Variants in NCOA1 observed in about 807,000 individuals in gnomAD.
NCOA1 encodes Hin-2 protein.
A neutral mutation model predicts 150.9 loss-of-function variants in NCOA1; 35 were observed. The observed-to-expected ratio is 0.23, with a 90% CI of 0.18 to 0.31. The LOEUF is 0.31. NCOA1 is among the 10% of genes least tolerant of loss of function. The pLI, the probability that NCOA1 is intolerant of heterozygous loss-of-function variation, is 1.00. For synonymous variants in NCOA1, 590 were observed against 630.0 expected (o/e 0.94, Z 0.95); for missense variants, 1,491 against 1,749.3 (o/e 0.85, Z 2.63).
chr2:24,731,127 C>T (rs1018958400), intron 17 of NCOA1, among the ~76,000 whole-genome samples: 1 of 151,554 alleles, frequency 6.6e-6, no homozygotes, highest in Non-Finnish European at 1.5e-5. Flanking sequence ...TTTCTAAAAC[C>T]ATATTTGTAT....
chr2:24,609,088 T>G lies in NCOA1; in HGVS notation c.-175+24528T>G, dbSNP rs117726237. ...TTATTTTTTCTTTTCCTTACTTAAT[T>G]GTTGTTTGAAAGCAAGTTACTAAAT... On this transcript the variant is annotated intron_variant, in intron 3 of 22. Transcript: ENST00000348332. Among the ~76,000 whole-genome samples, 24 of 152,316 alleles carry G rather than the reference T, an allele frequency of 1.6e-4. No individual in the cohort carries two copies. In the East Asian group the frequency reaches 4.4e-3, roughly 28 times the overall value.
At chr2:24,544,636 A>C (rs1665534859) in intron 1 of NCOA1, among the ~76,000 whole-genome samples, 1 of 152,110 alleles carries the variant, frequency 6.6e-6, no homozygotes, top group Non-Finnish European at 1.5e-5. Flanking sequence ...CAGCTAGGGC[A>C]GCTGGGGTGG....
chr2:24,758,856 C>T (rs2148692698), intron 21 of NCOA1, among the ~76,000 whole-genome samples: 1 of 151,714 alleles, frequency 6.6e-6, no homozygotes, highest in Non-Finnish European at 1.5e-5. Flanking sequence ...TGCGTGGTGG[C>T]ATGCACCTGT....
chr2:24,594,205 G>A (rs1667789328), intron 3 of NCOA1, among the ~76,000 whole-genome samples: 2 of 151,976 alleles, frequency 1.3e-5, no homozygotes, highest in Admixed American at 6.6e-5. Context: ...TTATTTAAAT[G>A]TTTTCCTTTT....
At chr2:24,564,162 G>A (rs1666400167) in intron 1 of NCOA1, 133 bp from the exon 2 acceptor site, 1 of 152,188 alleles carries the variant, frequency 6.6e-6, no homozygotes, top group Non-Finnish European at 1.5e-5. Flanking sequence ...ACAAGAATGA[G>A]AATTGACATT....
chr2:24,762,632 G>C (rs1279127714), intron 21 of NCOA1, 55 bp from the exon 22 acceptor site: 1 of 1,448,978 alleles, frequency 6.9e-7, no homozygotes. Flanking sequence ...TGGAGAATTT[G>C]GTTTTCAGTT....
At chr2:24,557,748 T>C (rs1666130932) in intron 1 of NCOA1, among the ~76,000 whole-genome samples, 2 of 152,006 alleles carry the variant, frequency 1.3e-5, no homozygotes, top group Non-Finnish European at 2.9e-5. Flanking sequence ...TATGTTCAGC[T>C]TTTTTTTCTT....
At chr2:24,502,759 C>G (rs1456714061) in intron 1 of NCOA1, among the ~76,000 whole-genome samples, 1 of 152,180 alleles carries the variant, frequency 6.6e-6, no homozygotes, top group Non-Finnish European at 1.5e-5. Flanking sequence ...GGAATGTTCT[C>G]CCTTAATCTA....
chr2:24,528,408 T>A (rs1664739138), intron 1 of NCOA1, among the ~76,000 whole-genome samples: 1 of 151,396 alleles, frequency 6.6e-6, no homozygotes. Context: ...ATGCAGTGGT[T>A]TGATCTTGGC....
chr2:24,566,687 T>A (rs532476522), intron 2 of NCOA1, among the ~76,000 whole-genome samples: 54 of 152,282 alleles, frequency 3.5e-4, no homozygotes, highest in African/African-American at 1.3e-3. Flanking sequence ...CTCCTACCAT[T>A]GTTCATGGTG....
intron 1 of NCOA1, among the ~76,000 whole-genome samples, chr2:24,539,510 G>T (rs1209281518): frequency 6.6e-6 from 1 of 152,116 alleles, no homozygotes; most frequent in Non-Finnish European, 1.5e-5. Flanking sequence ...CATATACTAA[G>T]GCATTTAGAG....
intron 3 of NCOA1, among the ~76,000 whole-genome samples, chr2:24,593,935 A>G (rs2165739): frequency 0.42 from 63,271 of 151,948 alleles, 15,831 homozygotes; most frequent in Admixed American, 0.6. Context: ...TTATCTTTGC[A>G]ATTTTTAGGA....
chr2:24,719,105 C>G (rs1479587503), intron 14 of NCOA1, among the ~76,000 whole-genome samples: 1 of 144,786 alleles, frequency 6.9e-6, no homozygotes, highest in African/African-American at 2.5e-5. Flanking sequence ...GTGGTGTATT[C>G]ATAAAATGAA....
chr2:24,656,046 C>A (rs1284605008), intron 4 of NCOA1, among the ~76,000 whole-genome samples: 1 of 149,930 alleles, frequency 6.7e-6, no homozygotes, highest in Non-Finnish European at 1.5e-5. Flanking sequence ...TGAGATCCCG[C>A]CACTGCACTC....
At chr2:24,594,374 T>C (rs976856357) in intron 3 of NCOA1, among the ~76,000 whole-genome samples, 1 of 152,100 alleles carries the variant, frequency 6.6e-6, no homozygotes, top group Non-Finnish European at 1.5e-5. Context: ...ATGTTCCTGA[T>C]GGGGGTATTG....
At chr2:24,492,034 C>T (rs1402309407) in intron 1 of NCOA1, 1 of 152,030 alleles carries the variant, frequency 6.6e-6, no homozygotes, top group Non-Finnish European at 1.5e-5. Context: ...ACGCCGTGAC[C>T]TTGGCCGGCC....
intron 19 of NCOA1, among the ~76,000 whole-genome samples, chr2:24,747,600 G>A (rs1003000645): frequency 2.6e-5 from 4 of 151,802 alleles, no homozygotes; most frequent in Non-Finnish European, 5.9e-5. Context: ...AAGCACTGGG[G>A]TTACAGGCAT....
intron 19 of NCOA1, among the ~76,000 whole-genome samples, chr2:24,746,119 G>T (rs1198661885): frequency 6.6e-6 from 1 of 152,212 alleles, no homozygotes; most frequent in South Asian, 2.1e-4. Context: ...TAGCACAGTG[G>T]TCTCACAGTG....
intron 9 of NCOA1, 148 bp downstream of exon 9, chr2:24,691,808 T>G: frequency 1.5e-6 from 1 of 686,446 alleles, no homozygotes. Context: ...CTATATATTC[T>G]TAATACTTAA....
Sources: allele counts gnomAD v4.1 joint callset (sites outside exome capture counted in the v4.1 genomes callset), GRCh38; gene constraint gnomAD v4.1.1; transcripts MANE v1.5; gene names NCBI Gene and HGNC (gene_info 2026-07-23, HGNC 2026-07-21).